XYLT1: variants seen among roughly 807,000 people sequenced by gnomAD.
XYLT1 encodes the protein beta-D-xylosyltransferase 1.
Under a neutral mutation model 91.3 loss-of-function variants are expected in XYLT1, and 36 were observed. The ratio of observed to expected loss-of-function variants is 0.39; its 90% confidence interval spans 0.30 to 0.52. The LOEUF (loss-of-function observed/expected upper bound fraction) is 0.52, where lower values mean the gene tolerates loss of function less well. Among genes scored for constraint, XYLT1 ranks in the 20% least tolerant of loss-of-function variants. XYLT1 has a pLI of 0.68. For missense variants in XYLT1, 1,242 were observed against 1,284.5 expected, an observed-to-expected ratio of 0.97 and a Z score of 0.51; for synonymous variants, 588 against 532.0, an observed-to-expected ratio of 1.11 and a Z score of -1.45.
At chr16:17,437,489 C>T (rs1368857261) in intron 1 of XYLT1, among the ~76,000 whole-genome samples, 4 of 152,294 alleles carry the variant, frequency 2.6e-5, no homozygotes, top group Non-Finnish European at 5.9e-5. Flanking sequence ...AGGAAATGGT[C>T]CCACGTGAAG....
At chr16:17,350,304 T>C (rs183337161) in intron 2 of XYLT1, among the ~76,000 whole-genome samples, 4 of 152,352 alleles carry the variant, frequency 2.6e-5, no homozygotes, top group Admixed American at 2.0e-4. Flanking sequence ...AAATGGTGCA[T>C]GTGGCTGCAC....
intron 2 of XYLT1, among the ~76,000 whole-genome samples, chr16:17,302,418 T>C (rs1179848801): frequency 1.3e-5 from 2 of 152,160 alleles, no homozygotes; most frequent in African/African-American, 4.8e-5. Flanking sequence ...TGGTCCTTCC[T>C]CTTCCTCCTC....
chr16:17,252,071 T>C (rs1306455548), intron 3 of XYLT1, among the ~76,000 whole-genome samples: 1 of 152,124 alleles, frequency 6.6e-6, no homozygotes. Context: ...TTGTCGCCCC[T>C]TCATTTAGAC....
At chr16:17,354,924 T>C (rs2035273820) in intron 2 of XYLT1, 1 of 152,158 alleles carries the variant, frequency 6.6e-6, no homozygotes, top group Non-Finnish European at 1.5e-5. Context: ...AAAGAAACAT[T>C]TGCACTTTGG....
intron 3 of XYLT1, among the ~76,000 whole-genome samples, chr16:17,258,658 C>T (rs1226254819): frequency 6.6e-6 from 1 of 152,194 alleles, no homozygotes; most frequent in African/African-American, 2.4e-5. Context: ...CAATATTCTA[C>T]TGAAAGAGAA....
chr16:17,283,763 C>G (rs868864979), intron 2 of XYLT1, among the ~76,000 whole-genome samples: 1 of 152,212 alleles, frequency 6.6e-6, no homozygotes, highest in Non-Finnish European at 1.5e-5. Context: ...GGATACTTCA[C>G]GTGTCTTGGG....
chr16:17,130,534 G>T (rs758265706), intron 9 of XYLT1, among the ~76,000 whole-genome samples: 1 of 152,018 alleles, frequency 6.6e-6, no homozygotes, highest in Non-Finnish European at 1.5e-5. Context: ...GTGCAGTGTC[G>T]TGAAACTGGC....
chr16:17,262,314 G>C (rs1256469409), intron 2 of XYLT1, among the ~76,000 whole-genome samples: 3 of 152,158 alleles, frequency 2.0e-5, no homozygotes, highest in Non-Finnish European at 4.4e-5. Context: ...TTACAGAAAA[G>C]GGTGGAAAAT....
At chr16:17,274,931 C>G (rs2033950440) in intron 2 of XYLT1, among the ~76,000 whole-genome samples, 1 of 152,144 alleles carries the variant, frequency 6.6e-6, no homozygotes. Flanking sequence ...AATCCCAGCA[C>G]TTTGGGAGGC....
chr16:17,273,262 A>G (rs1013124310), intron 2 of XYLT1, among the ~76,000 whole-genome samples: 4 of 152,236 alleles, frequency 2.6e-5, no homozygotes, highest in African/African-American at 4.8e-5. Context: ...ACAGTTTCAG[A>G]AAATTACATC....
intron 2 of XYLT1, among the ~76,000 whole-genome samples, chr16:17,273,488 G>A (rs1257639883): frequency 6.6e-6 from 1 of 152,164 alleles, no homozygotes; most frequent in Non-Finnish European, 1.5e-5. Flanking sequence ...CCCCAGCCTG[G>A]ACCACAGGAA....
intron 1 of XYLT1, among the ~76,000 whole-genome samples, chr16:17,454,917 C>A (rs1409184773): frequency 6.0e-5 from 6 of 99,430 alleles, no homozygotes; most frequent in African/African-American, 1.8e-4. Context: ...CCCCCCGCCC[C>A]CCCCCGCAAC....
At chr16:17,402,638 C>T (rs1192134063) in intron 1 of XYLT1, among the ~76,000 whole-genome samples, 2 of 152,072 alleles carry the variant, frequency 1.3e-5, no homozygotes, top group African/African-American at 4.8e-5. Context: ...ATGGCAAACA[C>T]CTAAATGGAA....
At chr16:17,243,701 G>A (rs1038966883) in intron 3 of XYLT1, among the ~76,000 whole-genome samples, 4 of 152,144 alleles carry the variant, frequency 2.6e-5, no homozygotes, top group South Asian at 2.1e-4. Context: ...CACAAGGAGC[G>A]GCAACGGTCA....
intron 9 of XYLT1, among the ~76,000 whole-genome samples, chr16:17,128,765 G>A (rs2030353305): frequency 6.6e-6 from 1 of 152,198 alleles, no homozygotes; most frequent in Non-Finnish European, 1.5e-5. Context: ...GAGAAAAGGG[G>A]GAAGCAGATG....
intron 1 of XYLT1, among the ~76,000 whole-genome samples, chr16:17,379,759 T>TCACACACACACA (rs1489816883): frequency 1.4e-4 from 17 of 117,982 alleles, no homozygotes; most frequent in Admixed American, 7.5e-4. Context: ...TCTCTCTCTC[T>TCACACACACACA]CTCTCACACA....
At chr16:17,405,829 C>T (rs567623038) in intron 1 of XYLT1, among the ~76,000 whole-genome samples, 2 of 152,306 alleles carry the variant, frequency 1.3e-5, no homozygotes, top group South Asian at 4.1e-4. Flanking sequence ...AGAATTCCTC[C>T]ATTTCCCCTC....
chr16:17,126,098 A>T (rs2030251697), intron 10 of XYLT1, among the ~76,000 whole-genome samples: 2 of 152,194 alleles, frequency 1.3e-5, no homozygotes, highest in African/African-American at 4.8e-5. Context: ...AAGAGTTTAG[A>T]AAAAATTCAA....
intron 2 of XYLT1, among the ~76,000 whole-genome samples, chr16:17,354,014 A>T (rs887582101): frequency 8.5e-5 from 13 of 152,202 alleles, no homozygotes; most frequent in African/African-American, 3.1e-4. Context: ...TGAGGATAAA[A>T]TGAGAGAAGT....
Sources: allele counts gnomAD v4.1 joint callset (sites outside exome capture counted in the v4.1 genomes callset), GRCh38; gene constraint gnomAD v4.1.1; transcripts MANE v1.5; gene names NCBI Gene and HGNC (gene_info 2026-07-23, HGNC 2026-07-21).